C1orf146: variants seen among roughly 807,000 people sequenced by gnomAD.
The protein encoded by C1orf146 is chromosome 1 open reading frame 146.
C1orf146 carries 22 observed loss-of-function variants against 23.0 expected under a neutral mutation model. That is an observed-to-expected ratio of 0.96 (90% CI 0.68 to 1.36). The LOEUF is 1.36. Among genes scored for constraint, C1orf146 ranks in the 40% most tolerant of loss-of-function variants. The pLI is 0.00. For missense variants in C1orf146, 199 were observed against 206.8 expected (o/e 0.96, Z 0.23); for synonymous variants, 59 against 65.3 (o/e 0.90, Z 0.47).
intron 1 of C1orf146, among the ~76,000 whole-genome samples, chr1:92,219,523 A>T (rs1488576847): frequency 2.7e-4 from 2 of 7,514 alleles, no homozygotes; most frequent in Non-Finnish European, 2.5e-4. Context: ...TTTTTTTTTA[A>T]GACAGAGTCT....
chr1:92,224,012 TTTTATTTATTTATTTATTTATTTA>T (rs146799961), intron 1 of C1orf146, among the ~76,000 whole-genome samples: 2,647 of 133,370 alleles, frequency 0.02, 113 homozygotes, highest in African/African-American at 0.07. Flanking sequence ...TGTTGTTTTA[TTTTATTTATTTATTTATTTATTTA>T]TTTATTTATT....
chr1:92,235,622 A>G (rs1165942971), intron 2 of C1orf146, among the ~76,000 whole-genome samples: 1 of 152,094 alleles, frequency 6.6e-6, no homozygotes, highest in Non-Finnish European at 1.5e-5. Flanking sequence ...GATGTCTGTT[A>G]TGTCTGCTTG....
At chr1:92,240,530 TTAGAA>T (rs1360968100) in intron 2 of C1orf146, among the ~76,000 whole-genome samples, 1 of 152,158 alleles carries the variant, frequency 6.6e-6, no homozygotes, top group Non-Finnish European at 1.5e-5. Context: ...AAAATACTCT[TTAGAA>T]AAGAAAGGAA....
intron 2 of C1orf146, among the ~76,000 whole-genome samples, chr1:92,234,043 A>G (rs1037160916): frequency 3.3e-5 from 5 of 152,228 alleles, no homozygotes; most frequent in African/African-American, 7.2e-5. Flanking sequence ...ATACACAATC[A>G]TGTCATCTGC....
intron 1 of C1orf146, among the ~76,000 whole-genome samples, chr1:92,222,699 G>C (rs1285929102): frequency 1.3e-5 from 2 of 150,420 alleles, no homozygotes; most frequent in African/African-American, 4.9e-5. Flanking sequence ...CCATTCTCCT[G>C]CTTCAGCCTC....
At chr1:92,244,695 AGAGAT>A (rs1652533910) in intron 4 of C1orf146, 79 bp from the exon 5 acceptor site, 1 of 868,550 alleles carries the variant, frequency 1.2e-6, no homozygotes, top group Non-Finnish European at 1.9e-6. Context: ...AACAAACAAT[AGAGAT>A]TTGTCTCTTC....
At chr1:92,241,690 C>T (rs532520051) in intron 2 of C1orf146, among the ~76,000 whole-genome samples, 1 of 152,264 alleles carries the variant, frequency 6.6e-6, no homozygotes, top group South Asian at 2.1e-4. Flanking sequence ...AGGCTGGTCT[C>T]AAATTCCTGA....
At chr1:92,244,587 A>G (rs1215952885) in intron 4 of C1orf146, among the ~76,000 whole-genome samples, 192 bp from the exon 5 acceptor site, 1 of 152,230 alleles carries the variant, frequency 6.6e-6, no homozygotes, top group Non-Finnish European at 1.5e-5. Flanking sequence ...TCCAAGACCA[A>G]GCCAAAAGTG....
At chr1:92,232,911 T>A (rs1652168782) in intron 2 of C1orf146, among the ~76,000 whole-genome samples, 1 of 152,208 alleles carries the variant, frequency 6.6e-6, no homozygotes, top group Admixed American at 6.5e-5. Flanking sequence ...TGTCTTCTTT[T>A]GGGAAGTGTC....
chr1:92,229,089 G>A, intron 1 of C1orf146: 1 of 500,384 alleles, frequency 2.0e-6, no homozygotes, highest in Non-Finnish European at 4.0e-6. Flanking sequence ...CTGCTGGAAG[G>A]TGGACAGTGA....
At chr1:92,223,912 A>C (rs1651898668) in intron 1 of C1orf146, among the ~76,000 whole-genome samples, 1 of 151,630 alleles carries the variant, frequency 6.6e-6, no homozygotes, top group African/African-American at 2.4e-5. Context: ...ATTTTCTTCC[A>C]GTCTCTAGCT....
intron 2 of C1orf146, among the ~76,000 whole-genome samples, chr1:92,236,492 G>T (rs1478492908): frequency 6.6e-6 from 1 of 152,084 alleles, no homozygotes; most frequent in Non-Finnish European, 1.5e-5. Context: ...TTAGTCTGAT[G>T]GGCTTCCCTT....
intron 5 of C1orf146, among the ~76,000 whole-genome samples, chr1:92,245,330 T>C (rs1652574096): frequency 6.6e-6 from 1 of 152,208 alleles, no homozygotes; most frequent in Non-Finnish European, 1.5e-5. Flanking sequence ...GCAATTTTTA[T>C]ATATTCTACT....
chr1:92,221,430 A>G (rs1373598117), intron 1 of C1orf146, among the ~76,000 whole-genome samples: 2 of 152,204 alleles, frequency 1.3e-5, no homozygotes, highest in African/African-American at 4.8e-5. Flanking sequence ...AAACCTCAAC[A>G]TCACACAATA....
At chr1:92,239,750 CAA>C (rs112653982) in intron 2 of C1orf146, among the ~76,000 whole-genome samples, 3 of 129,642 alleles carry the variant, frequency 2.3e-5, no homozygotes, top group Admixed American at 1.6e-4. Flanking sequence ...GACCCTGTCT[CAA>C]AAAAAAAAAA....
intron 1 of C1orf146, among the ~76,000 whole-genome samples, chr1:92,229,977 C>T (rs763915637): frequency 6.6e-6 from 1 of 152,184 alleles, no homozygotes; most frequent in African/African-American, 2.4e-5. Flanking sequence ...ATTTTCTTCT[C>T]ACCTCATACG....
At position 92,221,472 on chromosome 1, in the gene C1orf146, CT is replaced by C. The variant is rs956627295; in HGVS notation, c.-40+3425del. Among the ~76,000 whole-genome samples, 41 of 152,246 alleles carry C rather than the reference CT, an allele frequency of 2.7e-4. 1 individual carries two copies. The highest frequency in any genetic ancestry group is 9.9e-4 in the African/African-American group (41 of 41,556). The stretch of plus-strand genomic sequence containing the variant: ...TGAAACAAACCTGCACATATACCCC[CT>C]GAATCTAAAATAAAAGTTGAAATTT... On this transcript the variant is annotated intron_variant, in intron 1 of 5. Coordinates refer to ENST00000370375, the MANE Select transcript of C1orf146 (RefSeq NM_001012425.2).
intron 2 of C1orf146, among the ~76,000 whole-genome samples, chr1:92,235,253 A>G (rs1038029911): frequency 6.6e-6 from 1 of 152,162 alleles, no homozygotes; most frequent in African/African-American, 2.4e-5. Context: ...ATTTAGTGCT[A>G]TAAATTTCCC....
At chr1:92,239,424 G>C (rs1176917577) in intron 2 of C1orf146, among the ~76,000 whole-genome samples, 1 of 152,140 alleles carries the variant, frequency 6.6e-6, no homozygotes, top group Non-Finnish European at 1.5e-5. Flanking sequence ...GATGCCCTAA[G>C]TAGGGTTGCC....
Sources: gnomAD v4.1 joint callset for allele counts (sites outside exome capture counted in the v4.1 genomes callset) on GRCh38, gnomAD v4.1.1 for gene constraint, MANE v1.5 for transcripts, NCBI Gene and HGNC (gene_info 2026-07-23, HGNC 2026-07-21) for gene names.